Variants in PDE4D observed in about 807,000 individuals in gnomAD.
PDE4D encodes the protein 3',5'-cyclic-AMP phosphodiesterase 4D.
PDE4D carries 24 observed loss-of-function variants against 87.4 expected under a neutral mutation model. That is an observed-to-expected ratio of 0.27 (90% confidence interval 0.20 to 0.39). PDE4D has a LOEUF of 0.39. Ranked by LOEUF, PDE4D falls within the 10% of genes least tolerant of loss-of-function variation. The pLI is 1.00. For missense variants in PDE4D, 714 were observed against 1,041.0 expected (o/e 0.69, Z 4.32); for synonymous variants, 384 against 383.2 (o/e 1.00, Z -0.02).
At chr5:59,931,985 G>T (rs1198435089) in intron 3 of PDE4D, among the ~76,000 whole-genome samples, 1 of 152,190 alleles carries the variant, frequency 6.6e-6, no homozygotes, top group Non-Finnish European at 1.5e-5. Flanking sequence ...ACAGGCCTGA[G>T]CCACTGTGGG....
chr5:58,980,863 C>A (rs1744957482), intron 11 of PDE4D, among the ~76,000 whole-genome samples: 1 of 152,014 alleles, frequency 6.6e-6, no homozygotes, highest in South Asian at 2.1e-4. Flanking sequence ...TTGGCTCAGG[C>A]AATTATGGAG....
Position 60,174,116 on chromosome 5 carries a change from T to C in PDE4D, c.42+11441A>G, listed in dbSNP as rs111360930. Among the ~76,000 whole-genome samples the C allele has an allele frequency of 3.6e-3, 544 of 152,210 alleles. 6 individuals are homozygous for C. Among genetic ancestry groups the C allele is most frequent in the African/African-American group, 0.012 (519 of 41,532 alleles). ...TGTCCAGCAAGCACTTGGTTAGAGT[T>C]CTGTGACTAAAAGTAGAAATGGGAA... On this transcript the variant is annotated intron_variant, in intron 2 of 16. Coordinates refer to the PDE4D transcript ENST00000502484.
intron 1 of PDE4D, chr5:59,430,519 G>T: frequency 1.1e-6 from 1 of 930,940 alleles, no homozygotes; most frequent in Non-Finnish European, 1.4e-6. Flanking sequence ...TCAGACATAT[G>T]CTGCTCACTG....
chr5:60,084,202 T>C (rs1774282126), intron 2 of PDE4D, among the ~76,000 whole-genome samples: 1 of 152,230 alleles, frequency 6.6e-6, no homozygotes, highest in South Asian at 2.1e-4. Flanking sequence ...AGAGTAAGCA[T>C]AGAAATGGTG....
At chr5:59,373,310 A>G (rs543684643) in intron 1 of PDE4D, among the ~76,000 whole-genome samples, 5 of 152,338 alleles carry the variant, frequency 3.3e-5, no homozygotes, top group Admixed American at 3.3e-4. Flanking sequence ...CTGACAGACA[A>G]ACAGCCAGTA....
intron 1 of PDE4D, among the ~76,000 whole-genome samples, chr5:60,200,601 GT>G (rs1741787286): frequency 6.6e-6 from 1 of 152,126 alleles, no homozygotes; most frequent in Non-Finnish European, 1.5e-5. Context: ...TGACTCTACT[GT>G]AGATGACAGT....
At chr5:59,891,970 G>A (rs1305338869) in intron 1 of PDE4D, among the ~76,000 whole-genome samples, 3 of 152,158 alleles carry the variant, frequency 2.0e-5, no homozygotes, top group Admixed American at 6.5e-5. Flanking sequence ...TGGCTTGGAG[G>A]TGCAGTACAT....
chr5:59,501,960 C>T (rs1808363097), intron 1 of PDE4D, among the ~76,000 whole-genome samples: 1 of 152,118 alleles, frequency 6.6e-6, no homozygotes, highest in African/African-American at 2.4e-5. Flanking sequence ...CTCTTGCTTG[C>T]AGTTTCCCCA....
intron 1 of PDE4D, among the ~76,000 whole-genome samples, chr5:59,762,634 G>A (rs1237046974): frequency 2.5e-4 from 32 of 127,436 alleles, no homozygotes; most frequent in African/African-American, 7.8e-4. Flanking sequence ...ATGTGTATAT[G>A]GGTACACATA....
intron 1 of PDE4D, among the ~76,000 whole-genome samples, chr5:59,632,122 G>T (rs1831651800): frequency 1.3e-5 from 2 of 152,172 alleles, no homozygotes; most frequent in African/African-American, 4.8e-5. Context: ...AAACAAAGCT[G>T]CCAGGAAGTT....
intron 1 of PDE4D, among the ~76,000 whole-genome samples, chr5:60,494,711 G>A (rs777935238): frequency 7.9e-5 from 12 of 152,122 alleles, no homozygotes; most frequent in Non-Finnish European, 1.3e-4. Flanking sequence ...ATAAGTAAAT[G>A]GTCCTGCTAT....
chr5:59,432,170 T>A (rs1796199093), intron 1 of PDE4D, among the ~76,000 whole-genome samples: 1 of 152,078 alleles, frequency 6.6e-6, no homozygotes, highest in Admixed American at 6.6e-5. Context: ...TATACAAATA[T>A]AAATATACCA....
intron 1 of PDE4D, among the ~76,000 whole-genome samples, chr5:60,254,917 C>G (rs1358700143): frequency 1.3e-5 from 2 of 151,812 alleles, no homozygotes; most frequent in African/African-American, 4.8e-5. Context: ...TCAATTAATA[C>G]AGCTATTAAT....
intron 1 of PDE4D, among the ~76,000 whole-genome samples, chr5:59,824,364 T>TAGCA (rs758630587): frequency 4.6e-5 from 7 of 152,198 alleles, no homozygotes; most frequent in Non-Finnish European, 1.0e-4. Context: ...TGGTGGTTAC[T>TAGCA]GTACCACTGT....
At chr5:59,067,020 ATTTATTTATTT>A in intron 5 of PDE4D, among the ~76,000 whole-genome samples, 1 of 150,838 alleles carries the variant, frequency 6.6e-6, no homozygotes, top group African/African-American at 2.4e-5. Flanking sequence ...TTATTTATTT[ATTTATTTATTT>A]AGAGAGAGAG....
chr5:60,124,141 G>A (rs1200620468), intron 2 of PDE4D, among the ~76,000 whole-genome samples: 1 of 152,046 alleles, frequency 6.6e-6, no homozygotes, highest in Non-Finnish European at 1.5e-5. Context: ...ACATCATAAT[G>A]CATATAACAT....
At chr5:60,176,483 T>A (rs1010236437) in intron 2 of PDE4D, among the ~76,000 whole-genome samples, 5 of 152,182 alleles carry the variant, frequency 3.3e-5, no homozygotes, top group African/African-American at 4.8e-5. Context: ...TTTCTTAATT[T>A]ACCAAAATAA....
intron 1 of PDE4D, among the ~76,000 whole-genome samples, chr5:59,397,879 T>C (rs1789775657): frequency 8.2e-6 from 1 of 121,696 alleles, no homozygotes; most frequent in African/African-American, 3.3e-5. Context: ...ATAGATGCAA[T>C]AAAAAATGAT....
At chr5:59,714,916 G>A (rs1413698164) in intron 1 of PDE4D, among the ~76,000 whole-genome samples, 1 of 152,242 alleles carries the variant, frequency 6.6e-6, no homozygotes, top group Non-Finnish European at 1.5e-5. Flanking sequence ...AGTTGACCAA[G>A]GGTGCTCATT....
Sources: gnomAD v4.1 joint callset for allele counts (sites outside exome capture counted in the v4.1 genomes callset) on GRCh38, gnomAD v4.1.1 for gene constraint, MANE v1.5 for transcripts, NCBI Gene and HGNC (gene_info 2026-07-23, HGNC 2026-07-21) for gene names.